The following WDR70 variants were observed in gnomAD, a reference collection of about 807,000 sequenced individuals.
WDR70 encodes the protein WD repeat domain 70, also known as WD repeat-containing protein 70.
WDR70 carries 53 observed loss-of-function variants against 88.6 expected under a neutral mutation model. The observed-to-expected ratio is 0.60, with a 90% confidence interval of 0.48 to 0.75. The LOEUF is 0.75. Among genes scored for constraint, WDR70 ranks in the 30% least tolerant of loss-of-function variants. The pLI is 0.00. For synonymous variants in WDR70, 280 were observed against 270.0 expected (o/e 1.04, Z -0.36); for missense variants, 610 against 823.2 (o/e 0.74, Z 3.17).
chr5:37,637,758 G>C (rs1317651013), intron 10 of WDR70, among the ~76,000 whole-genome samples: 2 of 152,204 alleles, frequency 1.3e-5, no homozygotes, highest in Non-Finnish European at 2.9e-5. Flanking sequence ...GTGGAGCACA[G>C]TTCTCACTCC....
At chr5:37,698,703 A>G (rs1427659696) in intron 11 of WDR70, among the ~76,000 whole-genome samples, 2 of 152,198 alleles carry the variant, frequency 1.3e-5, no homozygotes, top group Non-Finnish European at 2.9e-5. Context: ...AACCCAGTGT[A>G]TAGGATAGTG....
At chr5:37,448,408 A>G (rs1738566947) in intron 7 of WDR70, among the ~76,000 whole-genome samples, 1 of 152,110 alleles carries the variant, frequency 6.6e-6, no homozygotes, top group African/African-American at 2.4e-5. Context: ...GTTGCTAGGC[A>G]TGCTCATTGA....
chr5:37,685,282 C>T (rs562411102), intron 10 of WDR70, among the ~76,000 whole-genome samples: 3 of 152,202 alleles, frequency 2.0e-5, no homozygotes, highest in African/African-American at 7.2e-5. Flanking sequence ...GCAAAATCCA[C>T]TCATGTAGAC....
chr5:37,562,913 T>G (rs971747352), intron 9 of WDR70, among the ~76,000 whole-genome samples: 1 of 151,196 alleles, frequency 6.6e-6, no homozygotes, highest in Non-Finnish European at 1.5e-5. Flanking sequence ...CCCTTTCTAT[T>G]CCACAAAACT....
chr5:37,487,621 A>ATTTTTTTTTTTTTTTTTTTT (rs1561871968), intron 8 of WDR70, among the ~76,000 whole-genome samples: 1 of 37,692 alleles, frequency 2.7e-5, no homozygotes, highest in African/African-American at 7.3e-5. Context: ...ATATATATAT[A>ATTTTTTTTTTTTTTTTTTTT]TATGTATTTT....
intron 9 of WDR70, among the ~76,000 whole-genome samples, chr5:37,553,620 T>C (rs1376057270): frequency 6.6e-6 from 1 of 152,248 alleles, no homozygotes; most frequent in Non-Finnish European, 1.5e-5. Context: ...ATGTATCTTC[T>C]ATGTGCAAAT....
intron 13 of WDR70, among the ~76,000 whole-genome samples, chr5:37,709,204 G>A (rs1453075433): frequency 6.6e-6 from 1 of 152,120 alleles, no homozygotes; most frequent in Non-Finnish European, 1.5e-5. Flanking sequence ...GGAAAAAATG[G>A]GCTTTGAATT....
chr5:37,704,233 C>G (rs1377586025), intron 13 of WDR70, among the ~76,000 whole-genome samples: 1 of 152,178 alleles, frequency 6.6e-6, no homozygotes, highest in Non-Finnish European at 1.5e-5. Flanking sequence ...AACTAAAACA[C>G]TAGAATCAAA....
intron 8 of WDR70, among the ~76,000 whole-genome samples, chr5:37,487,517 C>T (rs1739910246): frequency 6.8e-6 from 1 of 147,912 alleles, no homozygotes; most frequent in Non-Finnish European, 1.5e-5. Flanking sequence ...GTAAGCAGGC[C>T]CTCCTAATTA....
In WDR70 at chr5:37,541,545, A is replaced by C. The variant is rs191223417; in HGVS notation, c.917+24955A>C. 3.9e-5 allele frequency among the ~76,000 whole-genome samples: 6 copies of C among 152,356 alleles called. No individual in the cohort carries two copies. In the East Asian group the frequency reaches 1.2e-3, roughly 29 times the overall value. Reference sequence around the variant, plus strand: ...TGTTTATCTGTGCATTTAATAGGTTAACAAGGAGGAAAAAGCAGAAAAATA... The same window carrying C: ...TGTTTATCTGTGCATTTAATAGGTTCACAAGGAGGAAAAAGCAGAAAAATA... On this transcript the variant is annotated intron_variant, in intron 9 of 17. Transcript: ENST00000265107.
At chr5:37,390,234 A>G (rs548433574) in intron 3 of WDR70, among the ~76,000 whole-genome samples, 2 of 117,300 alleles carry the variant, frequency 1.7e-5, no homozygotes, top group South Asian at 6.8e-4. Flanking sequence ...AACTCTAGAA[A>G]ATTAATGTAG....
chr5:37,564,361 CAA>C (rs982345764), intron 9 of WDR70, among the ~76,000 whole-genome samples: 5 of 151,982 alleles, frequency 3.3e-5, no homozygotes, highest in African/African-American at 1.2e-4. Flanking sequence ...CCGTCTCCAC[CAA>C]AAAAAATACG....
At chr5:37,743,668 C>T (rs1050095295) in intron 17 of WDR70, among the ~76,000 whole-genome samples, 1 of 152,220 alleles carries the variant, frequency 6.6e-6, no homozygotes, top group African/African-American at 2.4e-5. Context: ...GCCAGAGTGC[C>T]TCTTCAGGTC....
chr5:37,448,188 C>T (rs1219322995), intron 7 of WDR70, among the ~76,000 whole-genome samples: 2 of 151,968 alleles, frequency 1.3e-5, no homozygotes, highest in South Asian at 2.1e-4. Context: ...TTATTCTTTT[C>T]AATGTTTAAA....
At chr5:37,729,226 G>C (rs1457316598) in intron 17 of WDR70, among the ~76,000 whole-genome samples, 1 of 152,114 alleles carries the variant, frequency 6.6e-6, no homozygotes, top group African/African-American at 2.4e-5. Flanking sequence ...CCAAAGAGCC[G>C]TGGCTCCTTT....
chr5:37,485,675 TATTC>T (rs747249387), intron 8 of WDR70, among the ~76,000 whole-genome samples: 3 of 151,916 alleles, frequency 2.0e-5, no homozygotes, highest in Non-Finnish European at 4.4e-5. Context: ...ATTATTTATT[TATTC>T]ATTCATTTAA....
At chr5:37,707,004 C>G (rs1368500924) in intron 13 of WDR70, among the ~76,000 whole-genome samples, 1 of 152,010 alleles carries the variant, frequency 6.6e-6, no homozygotes, top group Non-Finnish European at 1.5e-5. Context: ...TTGGTGATGA[C>G]ATGTCAATTT....
intron 9 of WDR70, among the ~76,000 whole-genome samples, chr5:37,576,163 G>A (rs1016022436): frequency 6.9e-5 from 8 of 115,876 alleles, no homozygotes; most frequent in Admixed American, 2.3e-4. Flanking sequence ...CTAAAATCCA[G>A]TGGTTTATCC....
chr5:37,465,145 A>C (rs1739114920), intron 7 of WDR70, among the ~76,000 whole-genome samples: 1 of 152,204 alleles, frequency 6.6e-6, no homozygotes, highest in African/African-American at 2.4e-5. Context: ...TAAGGACTTC[A>C]TTCTTTCCCA....
Sources: allele counts gnomAD v4.1 joint callset (sites outside exome capture counted in the v4.1 genomes callset), GRCh38; gene constraint gnomAD v4.1.1; transcripts MANE v1.5; gene names NCBI Gene and HGNC (gene_info 2026-07-23, HGNC 2026-07-21).